ZNF536: variants seen among roughly 807,000 people sequenced by gnomAD.
ZNF536 encodes zinc finger protein 536.
ZNF536 carries 13 observed loss-of-function variants against 84.5 expected under a neutral mutation model. That is an observed-to-expected ratio of 0.15 (90% CI 0.10 to 0.24). ZNF536 has a LOEUF of 0.24. ZNF536 is among the 10% of genes least tolerant of loss of function. The pLI is 1.00. For synonymous variants in ZNF536, 811 were observed against 742.5 expected (o/e 1.09, Z -1.50); for missense variants, 1,536 against 1,747.5 (o/e 0.88, Z 2.16).
intron 1 of ZNF536, among the ~76,000 whole-genome samples, chr19:30,378,061 T>C (rs1192479614): frequency 6.6e-6 from 1 of 152,204 alleles, no homozygotes; most frequent in Non-Finnish European, 1.5e-5. Context: ...CAACATGGTC[T>C]GAGAGTCCCT....
chr19:30,535,072 C>T (rs1296843258), intron 3 of ZNF536, 73 bp downstream of exon 3: 32 of 1,514,076 alleles, frequency 2.1e-5, no homozygotes, highest in Non-Finnish European at 2.8e-5. Flanking sequence ...GCTTTCTGGC[C>T]CAGGTCCACA....
chr19:30,678,574 C>T (rs535989205), intron 1 of ZNF536, among the ~76,000 whole-genome samples: 1 of 152,250 alleles, frequency 6.6e-6, no homozygotes, highest in African/African-American at 2.4e-5. Flanking sequence ...TGGTGGGAAC[C>T]CAAGACAAGA....
chr19:30,596,858 TAA>T (rs59926991), intron 1 of ZNF536, among the ~76,000 whole-genome samples: 7 of 143,376 alleles, frequency 4.9e-5, no homozygotes, highest in East Asian at 2.0e-4. Context: ...TTTTTTTAGC[TAA>T]AAAAAAAAAA....
At chr19:30,703,859 A>G (rs948277205) in intron 1 of ZNF536, among the ~76,000 whole-genome samples, 1 of 152,228 alleles carries the variant, frequency 6.6e-6, no homozygotes, top group Non-Finnish European at 1.5e-5. Flanking sequence ...TTGCATCATT[A>G]TCAAGGTGTG....
chr19:30,524,692 C>T (rs1307858755), intron 2 of ZNF536, among the ~76,000 whole-genome samples: 1 of 152,144 alleles, frequency 6.6e-6, no homozygotes, highest in East Asian at 1.9e-4. Flanking sequence ...GATCTTCCAT[C>T]TTCTCCCCTC....
chr19:30,711,290 A>G (rs1054919746), exon 2 of ZNF536: 2 of 152,086 alleles, frequency 1.3e-5, no homozygotes, highest in Non-Finnish European at 2.9e-5. Flanking sequence ...AGCTGGAGAG[A>G]GCTGGGGGCC....
chr19:30,572,519 C>A (rs2046585335), intron 1 of ZNF536, among the ~76,000 whole-genome samples: 1 of 152,208 alleles, frequency 6.6e-6, no homozygotes, highest in South Asian at 2.1e-4. Context: ...GAGGAAACAG[C>A]ATTCTCTCCA....
At chr19:30,288,351 C>T (rs1029467349) in intron 2 of ZNF536, among the ~76,000 whole-genome samples, 4 of 152,164 alleles carry the variant, frequency 2.6e-5, no homozygotes, top group Non-Finnish European at 5.9e-5. Flanking sequence ...CTCTGTGGGA[C>T]TTGCCACTGC....
At chr19:30,437,870 G>T (rs2051826738) in intron 1 of ZNF536, among the ~76,000 whole-genome samples, 1 of 152,202 alleles carries the variant, frequency 6.6e-6, no homozygotes, top group Admixed American at 6.5e-5. Context: ...AGGGTTTATT[G>T]ATCCTCTTCC....
chr19:30,646,674 G>GC (rs1399814700), intron 1 of ZNF536, among the ~76,000 whole-genome samples: 2 of 152,094 alleles, frequency 1.3e-5, no homozygotes, highest in Non-Finnish European at 2.9e-5. Context: ...TAGTGGCTCT[G>GC]CCCCCCTTTT....
intron 1 of ZNF536, among the ~76,000 whole-genome samples, chr19:30,666,778 T>C (rs2050336532): frequency 6.6e-6 from 1 of 151,366 alleles, no homozygotes; most frequent in African/African-American, 2.4e-5. Context: ...ACAAAATATA[T>C]ATATTCAAAA....
chr19:30,537,512 A>C (rs2045136694), intron 3 of ZNF536, among the ~76,000 whole-genome samples: 1 of 152,180 alleles, frequency 6.6e-6, no homozygotes, highest in African/African-American at 2.4e-5. Context: ...AGGGTGTAAG[A>C]GTCAGTGAGG....
intron 2 of ZNF536, among the ~76,000 whole-genome samples, chr19:30,285,111 T>G (rs1039991842): frequency 6.6e-6 from 1 of 152,238 alleles, no homozygotes; most frequent in Non-Finnish European, 1.5e-5. Context: ...CAGTAATGAT[T>G]AATGTGATCT....
At chr19:30,609,649 C>T (rs1033957539) in intron 1 of ZNF536, among the ~76,000 whole-genome samples, 1 of 152,200 alleles carries the variant, frequency 6.6e-6, no homozygotes, top group Non-Finnish European at 1.5e-5. Flanking sequence ...GGTTGGCCAT[C>T]AGTGTTGTTC....
At chr19:30,431,960 T>C (rs890745871) in intron 1 of ZNF536, among the ~76,000 whole-genome samples, 46 of 151,504 alleles carry the variant, frequency 3.0e-4, no homozygotes, top group African/African-American at 1.1e-3. Flanking sequence ...AGTTTTGCAT[T>C]ATTATGTTAA....
At chr19:30,485,303 G>A (rs1305349398) in intron 2 of ZNF536, among the ~76,000 whole-genome samples, 1 of 152,080 alleles carries the variant, frequency 6.6e-6, no homozygotes, top group African/African-American at 2.4e-5. Context: ...GCTTTATTGA[G>A]ATATAATTCA....
At chr19:30,506,219 A>G (rs181972556) in intron 2 of ZNF536, among the ~76,000 whole-genome samples, 1 of 152,306 alleles carries the variant, frequency 6.6e-6, no homozygotes, top group Non-Finnish European at 1.5e-5. Flanking sequence ...GAAACCTGGC[A>G]TAAAAGCTCT....
intron 3 of ZNF536, among the ~76,000 whole-genome samples, chr19:30,546,409 C>A (rs928062315): frequency 1.3e-5 from 2 of 152,172 alleles, no homozygotes. Context: ...GAAAAAGTGT[C>A]CAGGAGAGAT....
chr19:30,458,147 A>G (rs1303804915), intron 2 of ZNF536, among the ~76,000 whole-genome samples: 2 of 152,124 alleles, frequency 1.3e-5, no homozygotes, highest in African/African-American at 4.8e-5. Flanking sequence ...GGCCCCACAC[A>G]CATTTTCGGG....
Sources: allele counts gnomAD v4.1 joint callset (sites outside exome capture counted in the v4.1 genomes callset), GRCh38; gene constraint gnomAD v4.1.1; transcripts MANE v1.5; gene names NCBI Gene and HGNC (gene_info 2026-07-23, HGNC 2026-07-21).